The following COPS7B variants were observed in gnomAD, a reference collection of about 807,000 sequenced individuals.
COPS7B encodes COP9 signalosome subunit 7B.
A neutral mutation model predicts 33.4 loss-of-function variants in COPS7B; 9 were observed. The observed-to-expected ratio is 0.27, with a 90% CI of 0.16 to 0.47. COPS7B has a LOEUF of 0.47. Among genes scored for constraint, COPS7B ranks in the 20% least tolerant of loss-of-function variants. COPS7B has a pLI of 0.99. For synonymous variants in COPS7B, 119 were observed against 126.3 expected (o/e 0.94, Z 0.39); for missense variants, 242 against 318.2 (o/e 0.76, Z 1.82).
At chr2:231,798,565 T>C (rs2049646922) in intron 5 of COPS7B, among the ~76,000 whole-genome samples, 1 of 152,192 alleles carries the variant, frequency 6.6e-6, no homozygotes, top group Non-Finnish European at 1.5e-5. Flanking sequence ...TGTCCTACCT[T>C]CTTTAATCGT....
At chr2:231,793,304 C>T (rs1435208519) in intron 3 of COPS7B, among the ~76,000 whole-genome samples, 29 of 152,184 alleles carry the variant, frequency 1.9e-4, no homozygotes, top group Admixed American at 1.9e-3. Context: ...GGATAAAAAG[C>T]CTGTCTCCGT....
chr2:231,806,923 G>T (rs1008378055), intron 6 of COPS7B, among the ~76,000 whole-genome samples: 2 of 152,222 alleles, frequency 1.3e-5, no homozygotes, highest in African/African-American at 4.8e-5. Context: ...TATCTGTTCT[G>T]ACGTGGTAAA....
At chr2:231,803,764 C>G (rs558764395) in intron 6 of COPS7B, among the ~76,000 whole-genome samples, 1 of 152,166 alleles carries the variant, frequency 6.6e-6, no homozygotes, top group East Asian at 1.9e-4. Flanking sequence ...GGATGATGCG[C>G]GGGCTCCCTC....
At position 231,807,609 on chromosome 2, in the gene COPS7B, G is replaced by A. The variant is rs538316954; in HGVS notation, c.759G>A (p.Met253Ile). 7.1e-5 allele frequency: 112 copies of A among 1,570,962 alleles called. 2 individuals carry two copies. The South Asian group carries it at 1.2e-3, about 17-fold the overall frequency. The change falls in exon 7 of 7, where the codon ATG (methionine) becomes ATA (isoleucine). Residue 253 changes from methionine to isoleucine, a missense_variant. Coordinates refer to ENST00000350033, the MANE Select transcript of COPS7B (RefSeq NM_022730.4). ...HAEQRQPTKK[M>I]SKVKGLVSSR... is the part of the protein sequence containing the mutation. ...AGCAGAGGCAGCCCACCAAGAAGATGTCCAAAGTGAAAGGTCTGGTCTCCA... is the reference window on the plus strand; with the variant it reads ...AGCAGAGGCAGCCCACCAAGAAGATATCCAAAGTGAAAGGTCTGGTCTCCA...
chr2:231,783,043 TATA>T (rs912629029), upstream of COPS7B, among the ~76,000 whole-genome samples: 4 of 152,214 alleles, frequency 2.6e-5, no homozygotes, highest in Admixed American at 2.0e-4. Context: ...TCCAGTTAAA[TATA>T]ATAATACAGT....
chr2:231,790,973 C>G (rs1297863705), intron 2 of COPS7B: 1 of 154,180 alleles, frequency 6.5e-6, no homozygotes, highest in African/African-American at 2.4e-5. Flanking sequence ...CTCCTGACCT[C>G]ATGATCCACC....
intron 6 of COPS7B, among the ~76,000 whole-genome samples, chr2:231,803,461 G>A (rs1390207055): frequency 2.0e-5 from 3 of 152,058 alleles, no homozygotes; most frequent in African/African-American, 4.8e-5. Context: ...TTTTTCCCTG[G>A]GCCAAGTCTT....
intron 6 of COPS7B, chr2:231,801,031 T>C (rs1327474430): frequency 2.3e-6 from 2 of 854,586 alleles, no homozygotes; most frequent in African/African-American, 1.7e-5. Context: ...ATCAGGGTGA[T>C]TCTGTCGTAT....
At chr2:231,803,464 C>A (rs1458213849) in intron 6 of COPS7B, among the ~76,000 whole-genome samples, 1 of 152,028 alleles carries the variant, frequency 6.6e-6, no homozygotes, top group Non-Finnish European at 1.5e-5. Context: ...TTCCCTGGGC[C>A]AAGTCTTATT....
chr2:231,784,971 C>T (rs1559347709), upstream of COPS7B, among the ~76,000 whole-genome samples: 2 of 152,200 alleles, frequency 1.3e-5, no homozygotes, highest in Non-Finnish European at 2.9e-5. Flanking sequence ...TCACCATGCC[C>T]AGCTAATTTT....
chr2:231,806,160 G>GC (rs1176982363), intron 6 of COPS7B, among the ~76,000 whole-genome samples: 1 of 152,052 alleles, frequency 6.6e-6, no homozygotes, highest in African/African-American at 2.4e-5. Context: ...CACCCTCATA[G>GC]CATTGTTTTG....
intron 4 of COPS7B, 83 bp downstream of exon 4, chr2:231,794,434 C>G (rs1037494243): frequency 1.0e-5 from 11 of 1,078,104 alleles, no homozygotes; most frequent in Non-Finnish European, 1.4e-6. Context: ...GTCCCAGCTG[C>G]ACATAGGAGA....
At chr2:231,783,113 ATGT>A (rs75976466), upstream of COPS7B, among the ~76,000 whole-genome samples, 27,809 of 152,134 alleles carry the variant, frequency 0.18, 2,837 homozygotes, top group Non-Finnish European at 0.23. Flanking sequence ...AAATTCATCC[ATGT>A]TGTGTGTAGC....
chr2:231,805,670 T>TA, intron 6 of COPS7B, among the ~76,000 whole-genome samples: 1 of 151,848 alleles, frequency 6.6e-6, no homozygotes, highest in East Asian at 1.9e-4. Context: ...GATAAGGTCT[T>TA]ACTTGAATGT....
At chr2:231,793,961 T>C (rs1251363938) in intron 3 of COPS7B, 5 of 334,070 alleles carry the variant, frequency 1.5e-5, no homozygotes, top group Admixed American at 4.4e-5. Flanking sequence ...GATGAAGATA[T>C]GTTTAATTTA....
chr2:231,793,413 T>A (rs984825862), intron 3 of COPS7B: 1 of 152,308 alleles, frequency 6.6e-6, no homozygotes, highest in Non-Finnish European at 1.5e-5. Flanking sequence ...CGTTAAGGAA[T>A]TGAGGACACT....
chr2:231,795,439 T>C (rs1217817800), intron 4 of COPS7B, among the ~76,000 whole-genome samples: 1 of 152,228 alleles, frequency 6.6e-6, no homozygotes, highest in African/African-American at 2.4e-5. Flanking sequence ...ATTCTCAGCC[T>C]AGCATTTCAG....
At chr2:231,800,509 T>C (rs2049712950) in intron 6 of COPS7B, among the ~76,000 whole-genome samples, 1 of 152,248 alleles carries the variant, frequency 6.6e-6, no homozygotes, top group Non-Finnish European at 1.5e-5. Context: ...TTAACAAAGA[T>C]GAATGATACT....
chr2:231,807,365 A>G (rs1234600534), intron 6 of COPS7B, 122 bp from the exon 7 acceptor site: 1 of 968,180 alleles, frequency 1.0e-6, no homozygotes, highest in African/African-American at 1.7e-5. Context: ...TGGATTTCTG[A>G]AGAGAATTTC....
Sources: gnomAD v4.1 joint callset for allele counts (sites outside exome capture counted in the v4.1 genomes callset) on GRCh38, gnomAD v4.1.1 for gene constraint, MANE v1.5 for transcripts, NCBI Gene and HGNC (gene_info 2026-07-23, HGNC 2026-07-21) for gene names.